Variants in PUM1 observed in about 807,000 individuals in gnomAD.
PUM1 encodes the protein pumilio RNA binding family member 1, also known as pumilio homolog 1.
In PUM1, 13 loss-of-function variants were observed where a neutral mutation model predicts 131.8. The ratio of observed to expected loss-of-function variants is 0.10; its 90% CI spans 0.06 to 0.16. PUM1 has a LOEUF of 0.16. PUM1 is among the 10% of genes least tolerant of loss of function. The pLI is 1.00. For synonymous variants in PUM1, 509 were observed against 556.5 expected, an observed-to-expected ratio of 0.91 and a Z score of 1.20; for missense variants, 961 against 1,512.4, an observed-to-expected ratio of 0.64 and a Z score of 6.05.
chr1:30,956,247 G>A (rs570475530), intron 14 of PUM1, among the ~76,000 whole-genome samples: 2 of 152,054 alleles, frequency 1.3e-5, no homozygotes, highest in Admixed American at 1.3e-4. Context: ...GCAGTCATAA[G>A]ACTGTTTTTT....
chr1:31,037,740 G>A (rs1643660152), intron 2 of PUM1, among the ~76,000 whole-genome samples: 2 of 151,374 alleles, frequency 1.3e-5, no homozygotes, highest in African/African-American at 2.4e-5. Context: ...GATTATTCAG[G>A]ATTTAAAATA....
rs556855439 is a variant in PUM1 at position 31,055,155 on chromosome 1, G to A, written c.363+4049C>T. On this transcript the variant is annotated intron_variant, in intron 2 of 21. Transcript: ENST00000426105. ...AGGCACCCTCTTACACCTCCTATCC[G>A]TAACAGTGGCTAATAAGGGCAGAGA... Among the ~76,000 whole-genome samples the A allele has an allele frequency of 1.6e-4, 24 of 152,182 alleles. No individual in the cohort carries two copies. The East Asian group carries it at 2.5e-3, about 16-fold the overall frequency.
At chr1:30,961,256 T>G (rs1392573895) in intron 14 of PUM1, among the ~76,000 whole-genome samples, 2 of 150,082 alleles carry the variant, frequency 1.3e-5, no homozygotes, top group Non-Finnish European at 3.0e-5. Context: ...ACATCTGTAA[T>G]CCTAGTGCTT....
intron 7 of PUM1, among the ~76,000 whole-genome samples, chr1:30,988,783 T>C (rs1246258828): frequency 6.6e-6 from 1 of 152,214 alleles, no homozygotes; most frequent in East Asian, 1.9e-4. Context: ...ATACCTCTGC[T>C]CTGACCTGCA....
chr1:30,954,066 C>G (rs1298769034), intron 14 of PUM1, 85 bp from the exon 15 acceptor site: 8 of 1,371,384 alleles, frequency 5.8e-6, no homozygotes, highest in Non-Finnish European at 8.0e-6. Flanking sequence ...CACCCGAAAG[C>G]CTGCACCATT....
rs1398812468 is a variant in PUM1, at chr1:30,932,925, G to C, written c.*286C>G. 4.8e-6 allele frequency: 1 copy of C among 210,038 alleles called. No individual in the cohort carries two copies. Among genetic ancestry groups the C allele is most frequent in the Admixed American group, 6.1e-5 (1 of 16,420 alleles). 13.0% of individuals were successfully genotyped at this position (210,038 alleles called of 1,614,324 possible). A position where few individuals can be genotyped will look rare whatever the true frequency, so the allele number is the denominator to read the frequency against. On this transcript the variant is annotated 3_prime_UTR_variant, in exon 22 of 22. Transcript: ENST00000426105. ...AGATACAACAGTGAACAAAATATGT[G>C]GCCTCCCATGTACATTGGTTACCTA...
At chr1:31,045,950 T>C (rs1320894169) in intron 2 of PUM1, among the ~76,000 whole-genome samples, 2 of 152,128 alleles carry the variant, frequency 1.3e-5, no homozygotes, top group East Asian at 3.9e-4. Flanking sequence ...GACGTGGTGG[T>C]GCATGCTTGT....
intron 4 of PUM1, among the ~76,000 whole-genome samples, chr1:31,006,433 C>T (rs1490336242): frequency 2.0e-5 from 3 of 152,148 alleles, no homozygotes; most frequent in Non-Finnish European, 4.4e-5. Flanking sequence ...TCCATGCTTA[C>T]GTTGTACTGT....
Position 31,065,642 on chromosome 1 carries a change from T to C in PUM1, c.-38A>G. 3.9e-6 allele frequency: 6 copies of C among 1,549,106 alleles called. No homozygotes were observed. The highest frequency in any genetic ancestry group is 5.2e-6 in the Non-Finnish European group (6 of 1,146,742). Reference sequence around the variant, plus strand: ...GGCGGAGCGGTAGGATGAAGATGGATTTCAGCCCCCCGATCTTCTCTCTCT... The same window carrying C: ...GGCGGAGCGGTAGGATGAAGATGGACTTCAGCCCCCCGATCTTCTCTCTCT... On this transcript the variant is annotated 5_prime_UTR_variant, in exon 1 of 22. Transcript: ENST00000426105.
At chr1:30,984,108 C>A (rs1442592669) in intron 7 of PUM1, among the ~76,000 whole-genome samples, 1 of 152,152 alleles carries the variant, frequency 6.6e-6, no homozygotes, top group Non-Finnish European at 1.5e-5. Context: ...TTACAAGAGA[C>A]CCCATATAGC....
At chr1:31,039,234 T>C (rs77742421) in intron 2 of PUM1, among the ~76,000 whole-genome samples, 8 of 150,838 alleles carry the variant, frequency 5.3e-5, no homozygotes, top group African/African-American at 7.3e-5. Flanking sequence ...TTTTTTTTTT[T>C]TTGAGGCAGA....
chr1:31,055,361 C>T (rs116147197), intron 2 of PUM1: 246 of 456,204 alleles, frequency 5.4e-4, no homozygotes, highest in African/African-American at 4.4e-3. Flanking sequence ...TCAATCAACA[C>T]GAAAGTTTCA....
intron 1 of PUM1, among the ~76,000 whole-genome samples, chr1:31,064,924 G>C (rs1350589533): frequency 6.6e-6 from 1 of 151,996 alleles, no homozygotes; most frequent in African/African-American, 2.4e-5. Context: ...CTACTAGCAA[G>C]GGGTGAACCC....
At chr1:31,031,151 C>T (rs567844437) in intron 2 of PUM1, among the ~76,000 whole-genome samples, 120 of 114,488 alleles carry the variant, frequency 1.0e-3, no homozygotes, top group African/African-American at 5.3e-3. Flanking sequence ...TAGCTAGGAA[C>T]TCTACACGTT....
chr1:31,008,144 G>C (rs1412271511), intron 3 of PUM1, among the ~76,000 whole-genome samples: 1 of 152,136 alleles, frequency 6.6e-6, no homozygotes, highest in Non-Finnish European at 1.5e-5. Flanking sequence ...TCCTCTCCTT[G>C]ACGATAAAGG....
At chr1:30,954,081 A>G (rs1372165772) in intron 14 of PUM1, 100 bp from the exon 15 acceptor site, 2 of 1,242,182 alleles carry the variant, frequency 1.6e-6, no homozygotes, top group African/African-American at 3.0e-5. Flanking sequence ...ACCATTTCTG[A>G]TTTCTTCAAT....
At chr1:30,975,926 A>T (rs1225927843) in intron 9 of PUM1, among the ~76,000 whole-genome samples, 3 of 151,782 alleles carry the variant, frequency 2.0e-5, no homozygotes, top group Non-Finnish European at 2.9e-5. Context: ...CTACTAAAAA[A>T]ATATATAAAA....
intron 7 of PUM1, among the ~76,000 whole-genome samples, chr1:30,985,480 C>T (rs977765653): frequency 1.3e-5 from 2 of 151,946 alleles, no homozygotes; most frequent in African/African-American, 4.8e-5. Flanking sequence ...TGGAGAAACC[C>T]CATCTCTAAT....
At chr1:30,937,422 C>A (rs1452845502) in intron 20 of PUM1, among the ~76,000 whole-genome samples, 1 of 152,036 alleles carries the variant, frequency 6.6e-6, no homozygotes, top group Non-Finnish European at 1.5e-5. Context: ...AGGAGAATTG[C>A]TTGAATCGGG....
Sources: gnomAD v4.1 joint callset for allele counts (sites outside exome capture counted in the v4.1 genomes callset) on GRCh38, gnomAD v4.1.1 for gene constraint, MANE v1.5 for transcripts, NCBI Gene and HGNC (gene_info 2026-07-23, HGNC 2026-07-21) for gene names.